Variants in KIF3B observed in about 807,000 individuals in gnomAD.
The protein encoded by KIF3B is kinesin-like protein KIF3B.
Under a neutral mutation model 74.3 loss-of-function variants are expected in KIF3B, and 38 were observed. That is an observed-to-expected ratio of 0.51 (90% CI 0.39 to 0.67). The LOEUF is 0.67. KIF3B is among the 30% of genes least tolerant of loss of function. The pLI is 0.00. For synonymous variants in KIF3B, 326 were observed against 342.5 expected (o/e 0.95, Z 0.53); for missense variants, 649 against 932.0 (o/e 0.70, Z 3.95).
chr20:32,333,674 A>G lies in KIF3B; in HGVS notation c.*2355A>G, dbSNP rs1463840811. The G allele has an allele frequency of 1.3e-5, 2 of 151,796 alleles. No individual in the cohort carries two copies. The highest frequency in any genetic ancestry group is 4.9e-5 in the African/African-American group (2 of 41,214). 9.4% of individuals were successfully genotyped at this position (151,796 alleles called of 1,614,324 possible). A position where few individuals can be genotyped will look rare whatever the true frequency, so the allele number is the denominator to read the frequency against. On this transcript the variant is annotated 3_prime_UTR_variant, in exon 9 of 9. Transcript: ENST00000375712. ...AAAAAAAAAACAGAAAGAAAGAAAA[A>G]GAAAACTGCAGATAACCCTATACAT...
In KIF3B at chr20:32,310,536, C is replaced by T. The variant is rs773609367; in HGVS notation, c.759C>T (p.Ala253=). Residue 253 remains alanine (A), a synonymous_variant, in exon 2 of 9, where the codon GCC becomes GCT. Coordinates refer to ENST00000375712, the MANE Select transcript of KIF3B (RefSeq NM_004798.4). The surrounding 1 kb of genome is among the most constrained non-coding windows in gnomAD (Gnocchi z 6.5). The part of the protein sequence containing the change: ...LVDLAGSERQ[A]KTGAQGERLK... ...ATCTTGCTGGCAGCGAACGGCAAGC[C>T]AAGACCGGCGCACAAGGGGAGAGAT... 2.5e-6 allele frequency: 4 copies of T among 1,613,770 alleles called. No homozygotes were observed. Among genetic ancestry groups the T allele is most frequent in the East Asian group, 4.5e-5 (2 of 44,876 alleles).
chr20:32,278,635 A>G (rs1407721842), intron 1 of KIF3B, among the ~76,000 whole-genome samples: 1 of 152,132 alleles, frequency 6.6e-6, no homozygotes, highest in Non-Finnish European at 1.5e-5. Context: ...AGTCCTGGGA[A>G]ACTCTTTGAG....
Position 32,333,504 on chromosome 20 carries a change from A to AT in KIF3B, c.*2186dup. On this transcript the variant is annotated 3_prime_UTR_variant, in exon 9 of 9. Transcript: ENST00000375712. ...AAAAATTTGCCTGGTGTGGTGGTGC[A>AT]TGCCTCTAGTCCTAGCTACTCGGGA... 6.6e-6 allele frequency: 1 copy of AT among 152,002 alleles called. No homozygotes were observed. Among genetic ancestry groups the AT allele is most frequent in the South Asian group, 2.1e-4 (1 of 4,800 alleles). The allele number at this position is 152,002 out of a possible 1,614,324, so 9.4% of individuals were successfully genotyped here.
At chr20:32,311,269 G>A in intron 2 of KIF3B, 88 bp downstream of exon 2, 4 of 1,348,576 alleles carry the variant, frequency 3.0e-6, no homozygotes, top group Non-Finnish European at 4.0e-6. Context: ...ACCATATGAG[G>A]GATGATGTCT....
intron 1 of KIF3B, among the ~76,000 whole-genome samples, chr20:32,278,895 T>TA (rs1569183899): frequency 6.7e-6 from 1 of 150,300 alleles, no homozygotes; most frequent in Non-Finnish European, 1.5e-5. Flanking sequence ...TTCAGAAAAG[T>TA]AAAGGGAAGG....
At chr20:32,284,037 A>G (rs1474341918) in intron 1 of KIF3B, among the ~76,000 whole-genome samples, 2 of 152,030 alleles carry the variant, frequency 1.3e-5, no homozygotes, top group Non-Finnish European at 2.9e-5. Context: ...CACGTCAGCC[A>G]TCCAAGTAGC....
intron 1 of KIF3B, among the ~76,000 whole-genome samples, chr20:32,287,142 C>G (rs906999259): frequency 6.6e-6 from 1 of 152,088 alleles, no homozygotes. Flanking sequence ...ATTTCATAAC[C>G]ATTTTTCCAT....
chr20:32,316,077 C>T, intron 2 of KIF3B, 141 bp from the exon 3 acceptor site: 4 of 643,838 alleles, frequency 6.2e-6, no homozygotes, highest in African/African-American at 1.8e-5. Flanking sequence ...ATGGGCACAG[C>T]TGAGCACAGT....
intron 1 of KIF3B, among the ~76,000 whole-genome samples, chr20:32,299,403 A>ATATTTTTT (rs1555895046): frequency 1.1e-4 from 1 of 9,026 alleles, no homozygotes; most frequent in African/African-American, 6.1e-4. Flanking sequence ...ATATATATAT[A>ATATTTTTT]TTTTTTTTTT....
Position 32,284,018 on chromosome 20 carries a change from C to T in KIF3B, c.-66+6253C>T, listed in dbSNP as rs569643460. 1.8e-4 allele frequency among the ~76,000 whole-genome samples: 28 copies of T among 151,926 alleles called. No individual in the cohort carries two copies. In the South Asian group the frequency reaches 5.6e-3, roughly 30 times the overall value. ...GTAACCTCCAACTCCTGGGCTCAAG[C>T]GATCCTCCCACGTCAGCCATCCAAG... is the stretch of plus-strand genomic sequence containing the variant. On this transcript the variant is annotated intron_variant, in intron 1 of 8. Coordinates refer to ENST00000375712, the MANE Select transcript of KIF3B (RefSeq NM_004798.4).
At chr20:32,314,126 A>C (rs536292325) in intron 2 of KIF3B, among the ~76,000 whole-genome samples, 1 of 152,354 alleles carries the variant, frequency 6.6e-6, no homozygotes, top group South Asian at 2.1e-4. Flanking sequence ...TTGAACTCTC[A>C]GAGGCTGAGT....
At chr20:32,299,962 A>T (rs2047735475) in intron 1 of KIF3B, among the ~76,000 whole-genome samples, 1 of 150,766 alleles carries the variant, frequency 6.6e-6, no homozygotes, top group African/African-American at 2.4e-5. Context: ...TAATTTTTAA[A>T]GATGGGGTCT....
chr20:32,302,519 C>T (rs77539833), intron 1 of KIF3B, among the ~76,000 whole-genome samples: 3 of 151,830 alleles, frequency 2.0e-5, no homozygotes, highest in Non-Finnish European at 4.4e-5. Context: ...GGCTTTCTTT[C>T]TTCTTTCATA....
chr20:32,297,280 G>C (rs2047721410), intron 1 of KIF3B, among the ~76,000 whole-genome samples: 1 of 152,250 alleles, frequency 6.6e-6, no homozygotes, highest in African/African-American at 2.4e-5. Context: ...TATGCACTCT[G>C]TGTGCCCACA....
chr20:32,290,584 G>C (rs1189505280), intron 1 of KIF3B, among the ~76,000 whole-genome samples: 2 of 151,934 alleles, frequency 1.3e-5, no homozygotes, highest in Admixed American at 1.3e-4. Context: ...AGAATATGTG[G>C]TACAGGCCAG....
At chr20:32,290,212 C>T (rs749846966) in intron 1 of KIF3B, among the ~76,000 whole-genome samples, 5 of 151,874 alleles carry the variant, frequency 3.3e-5, no homozygotes, top group Admixed American at 6.6e-5. Flanking sequence ...GTGAAACCCA[C>T]GCTCTACTAA....
At chr20:32,311,317 A>G in intron 2 of KIF3B, 136 bp downstream of exon 2, 7 of 872,228 alleles carry the variant, frequency 8.0e-6, no homozygotes, top group East Asian at 5.4e-5. Context: ...CATGATATCC[A>G]GTACTCAGTA....
intron 5 of KIF3B, among the ~76,000 whole-genome samples, chr20:32,323,152 TTATATTTA>T (rs1266113706): frequency 2.9e-5 from 1 of 34,638 alleles, no homozygotes; most frequent in Non-Finnish European, 6.7e-5. Context: ...ATTTATATAT[TTATATTTA>T]TATATTTATA....
chr20:32,327,202 T>C (rs2047907925), intron 6 of KIF3B, among the ~76,000 whole-genome samples: 1 of 152,118 alleles, frequency 6.6e-6, no homozygotes, highest in South Asian at 2.1e-4. Context: ...TCAGAGCTGT[T>C]ATCTTTGTGT....
Sources: gnomAD v4.1 joint callset for allele counts (sites outside exome capture counted in the v4.1 genomes callset) on GRCh38, gnomAD v4.1.1 for gene constraint, Gnocchi (gnomAD v3.1) non-coding constraint, MANE v1.5 for transcripts, NCBI Gene and HGNC (gene_info 2026-07-23, HGNC 2026-07-21) for gene names.